CLSTN2: variants seen among roughly 807,000 people sequenced by gnomAD.
CLSTN2 encodes the protein calsyntenin 2, also known as calsyntenin-2.
CLSTN2 carries 48 observed loss-of-function variants against 101.2 expected under a neutral mutation model. That is an observed-to-expected ratio of 0.47 (90% CI 0.38 to 0.60). The LOEUF (loss-of-function observed/expected upper bound fraction) is 0.60. CLSTN2 is among the 20% of genes least tolerant of loss of function. The pLI is 0.00. For synonymous variants in CLSTN2, 481 were observed against 463.6 expected (o/e 1.04, Z -0.48); for missense variants, 1,160 against 1,238.2 (o/e 0.94, Z 0.95).
intron 5 of CLSTN2, 85 bp from the exon 6 acceptor site, chr3:140,448,434 G>A (rs936020965): frequency 8.6e-7 from 1 of 1,158,262 alleles, no homozygotes; most frequent in Non-Finnish European, 1.3e-6. Flanking sequence ...ATAATTCGTT[G>A]GAACAAATTC....
intron 2 of CLSTN2, among the ~76,000 whole-genome samples, chr3:140,274,991 C>A (rs2086780575): frequency 6.6e-6 from 1 of 152,152 alleles, no homozygotes; most frequent in Non-Finnish European, 1.5e-5. Flanking sequence ...CTTTTGGGAT[C>A]CTGGAATGGC....
intron 1 of CLSTN2, among the ~76,000 whole-genome samples, chr3:140,027,192 GTGGGTT>G (rs1418123000): frequency 6.6e-6 from 1 of 152,366 alleles, no homozygotes; most frequent in Admixed American, 6.5e-5. Flanking sequence ...AGATACTGCA[GTGGGTT>G]GGATTGAGTC....
intron 7 of CLSTN2, among the ~76,000 whole-genome samples, chr3:140,464,223 G>C (rs1370684204): frequency 6.6e-6 from 1 of 152,150 alleles, no homozygotes; most frequent in Non-Finnish European, 1.5e-5. Flanking sequence ...TGAAGACGTA[G>C]AACAAGAAGA....
chr3:140,370,630 T>A (rs2087842432), intron 2 of CLSTN2, among the ~76,000 whole-genome samples: 1 of 152,170 alleles, frequency 6.6e-6, no homozygotes, highest in African/African-American at 2.4e-5. Context: ...GAGAGAACTT[T>A]ATTTACTCGG....
intron 1 of CLSTN2, among the ~76,000 whole-genome samples, chr3:140,135,349 T>C (rs1468847145): frequency 6.6e-6 from 1 of 151,980 alleles, no homozygotes; most frequent in Non-Finnish European, 1.5e-5. Context: ...GTTGACACTT[T>C]GGGAAGCTCT....
At chr3:139,975,582 A>G (rs1935802935) in intron 1 of CLSTN2, among the ~76,000 whole-genome samples, 1 of 152,212 alleles carries the variant, frequency 6.6e-6, no homozygotes. Context: ...ATAAGAAAGA[A>G]GCTGTGATGT....
chr3:140,444,137 T>C (rs1489276559), intron 5 of CLSTN2, among the ~76,000 whole-genome samples: 2 of 152,204 alleles, frequency 1.3e-5, no homozygotes, highest in Non-Finnish European at 2.9e-5. Flanking sequence ...ATCCTCAGAA[T>C]AGTGGAGGAG....
chr3:140,240,223 TA>T, intron 2 of CLSTN2, among the ~76,000 whole-genome samples: 1 of 26,570 alleles, frequency 3.8e-5, no homozygotes, highest in Non-Finnish European at 6.3e-5. Context: ...CACACACACA[TA>T]TATATATATG....
intron 1 of CLSTN2, among the ~76,000 whole-genome samples, chr3:140,108,444 C>T (rs1199093339): frequency 6.6e-6 from 1 of 152,200 alleles, no homozygotes; most frequent in Non-Finnish European, 1.5e-5. Context: ...GGGCTGAATC[C>T]ACCCCTCCCT....
chr3:140,530,391 T>G (rs991771901), intron 8 of CLSTN2, among the ~76,000 whole-genome samples: 1 of 152,330 alleles, frequency 6.6e-6, no homozygotes, highest in Admixed American at 6.5e-5. Flanking sequence ...AAAGTTATTA[T>G]AGTTTGAGAA....
rs768735484 is a variant in CLSTN2, at chr3:140,419,857, G to GTA, written c.638-1256_638-1255dup. On this transcript the variant is annotated intron_variant, in intron 4 of 16. Coordinates refer to ENST00000458420, the MANE Select transcript of CLSTN2 (RefSeq NM_022131.3). The stretch of plus-strand genomic sequence containing the variant: ...TGTATATATATGTGTATATATATAT[G>GTA]TATATATATATATGTCAGCCATTAC... 4.7e-4 allele frequency among the ~76,000 whole-genome samples: 14 copies of GTA among 29,538 alleles called. 3 individuals carry two copies. The highest frequency in any genetic ancestry group is 1.9e-3 in the East Asian group (1 of 528). 19.4% of individuals were successfully genotyped at this position (29,538 alleles called of 152,430 possible).
At chr3:140,538,084 A>C (rs756320406) in intron 9 of CLSTN2, among the ~76,000 whole-genome samples, 1 of 122,546 alleles carries the variant, frequency 8.2e-6, no homozygotes, top group African/African-American at 5.3e-5. Flanking sequence ...CTTTCTCACA[A>C]AGCTACCACC....
In CLSTN2 at chr3:140,421,116, G is replaced by T; in HGVS notation, c.638-9G>T. The T allele has an allele frequency of 6.2e-7, 1 of 1,613,056 alleles. No homozygotes were observed. The highest frequency in any genetic ancestry group is 8.5e-7 in the Non-Finnish European group (1 of 1,179,694). On this transcript the variant is annotated splice_polypyrimidine_tract_variant and intron_variant, in intron 4 of 16. Transcript: ENST00000458420. ...ACCTGAAATGCTTTTGAACATCTCTGTTCCTCAGGCAACATCAGGAACACT... is the reference window on the plus strand; with the variant it reads ...ACCTGAAATGCTTTTGAACATCTCTTTTCCTCAGGCAACATCAGGAACACT...
chr3:140,560,749 G>C (rs1274699251), intron 12 of CLSTN2, among the ~76,000 whole-genome samples: 1 of 152,118 alleles, frequency 6.6e-6, no homozygotes, highest in Non-Finnish European at 1.5e-5. Flanking sequence ...CTACCTCAGG[G>C]AGCTCTCAGT....
intron 2 of CLSTN2, among the ~76,000 whole-genome samples, chr3:140,253,508 A>C (rs1290179016): frequency 6.6e-6 from 1 of 152,180 alleles, no homozygotes; most frequent in Non-Finnish European, 1.5e-5. Context: ...CACTTTAAAA[A>C]CCCAAAAACA....
Position 140,546,612 on chromosome 3 carries a change from C to G in CLSTN2, c.1605C>G (p.Ile535Met), listed in dbSNP as rs775417008. The G allele has an allele frequency of 1.2e-6, 2 of 1,614,078 alleles. No homozygotes were observed. Among genetic ancestry groups the G allele is most frequent in the East Asian group, 4.5e-5 (2 of 44,892 alleles). ...RPGKMESQKV[I>M]SCLQACKEGL... ...GCAAAATGGAAAGCCAGAAGGTGAT[C>G]TCCTGCCTGCAGGCCTGCAAGGAAG... Residue 535 changes from isoleucine (I) to methionine (M), a missense_variant, in exon 10 of 17, where the codon ATC becomes ATG. By Grantham distance (10) the Ile-to-Met change is conservative. Transcript: ENST00000458420.
intron 2 of CLSTN2, among the ~76,000 whole-genome samples, chr3:140,274,032 C>T (rs1351859132): frequency 2.0e-5 from 3 of 152,256 alleles, no homozygotes; most frequent in South Asian, 2.1e-4. Flanking sequence ...AGCCTCCTCC[C>T]GGCTCCAGGG....
At position 140,256,902 on chromosome 3, in the gene CLSTN2, C is replaced by T. The variant is rs533391760; in HGVS notation, c.232+80829C>T. Among the ~76,000 whole-genome samples the T allele has an allele frequency of 1.3e-4, 20 of 152,272 alleles. 1 individual carries two copies. The South Asian group carries it at 4.2e-3, about 32-fold the overall frequency. On this transcript the variant is annotated intron_variant, in intron 2 of 16. Transcript: ENST00000458420. ...GTAGCAGTCTTTCCAAGCCAGTGCA[C>T]ACTAGGCACTTGTTTGCTCTATGCT... is the stretch of plus-strand genomic sequence containing the variant.
chr3:140,160,699 C>T (rs144860326), intron 1 of CLSTN2, among the ~76,000 whole-genome samples: 1 of 151,794 alleles, frequency 6.6e-6, no homozygotes, highest in African/African-American at 2.4e-5. Flanking sequence ...AACCAAAATT[C>T]TCTTGGTCAA....
Sources: gnomAD v4.1 joint callset for allele counts (sites outside exome capture counted in the v4.1 genomes callset) on GRCh38, gnomAD v4.1.1 for gene constraint, MANE v1.5 for transcripts, NCBI Gene and HGNC (gene_info 2026-07-23, HGNC 2026-07-21) for gene names.